Variants in TATDN1 observed in about 807,000 individuals in gnomAD.
The protein encoded by TATDN1 is deoxyribonuclease TATDN1.
In TATDN1, 40 loss-of-function variants were observed where a neutral mutation model predicts 46.4. The ratio of observed to expected loss-of-function variants is 0.86; its 90% confidence interval spans 0.67 to 1.12. The LOEUF is 1.12. Among genes scored for constraint, TATDN1 ranks in the 50% most tolerant of loss-of-function variants. TATDN1 has a pLI of 0.00. For missense variants in TATDN1, 326 were observed against 348.4 expected, an observed-to-expected ratio of 0.94 and a Z score of 0.51; for synonymous variants, 95 against 105.6, an observed-to-expected ratio of 0.90 and a Z score of 0.62.
intron 3 of TATDN1, chr8:124,521,538 T>C (rs1034054569): frequency 2.6e-5 from 4 of 152,220 alleles, no homozygotes; most frequent in African/African-American, 9.7e-5. Flanking sequence ...TAGTCAGCAG[T>C]GTCACTTTCC....
chr8:124,529,643 C>G (rs987257055), intron 1 of TATDN1, among the ~76,000 whole-genome samples: 1 of 152,176 alleles, frequency 6.6e-6, no homozygotes, highest in African/African-American at 2.4e-5. Flanking sequence ...GCTGACATCA[C>G]CAAACTAAAC....
chr8:124,497,171 C>G (rs775978012), intron 9 of TATDN1, among the ~76,000 whole-genome samples: 2 of 152,260 alleles, frequency 1.3e-5, no homozygotes, highest in East Asian at 1.9e-4. Context: ...TCAAATTTAT[C>G]TGTTGAAGAA....
At chr8:124,533,109 G>C (rs1409248678) in intron 1 of TATDN1, among the ~76,000 whole-genome samples, 1 of 151,946 alleles carries the variant, frequency 6.6e-6, no homozygotes, top group Non-Finnish European at 1.5e-5. Flanking sequence ...AACATTAGCC[G>C]GGCGTGGTGG....
At chr8:124,489,888 TAAAGG>T (rs2131321440) in intron 11 of TATDN1, 1 of 152,320 alleles carries the variant, frequency 6.6e-6, no homozygotes, top group African/African-American at 2.4e-5. Flanking sequence ...TGTTAACACC[TAAAGG>T]AATTAAGGAT....
intron 8 of TATDN1, among the ~76,000 whole-genome samples, chr8:124,505,316 G>A (rs1025844277): frequency 4.0e-5 from 6 of 151,698 alleles, no homozygotes; most frequent in East Asian, 2.0e-4. Context: ...CCTGGAAGGC[G>A]GAGGTTGCGT....
intron 1 of TATDN1, chr8:124,526,819 T>C (rs924933414): frequency 1.3e-5 from 2 of 152,252 alleles, no homozygotes; most frequent in Non-Finnish European, 2.9e-5. Flanking sequence ...CACTGTCACC[T>C]ATGATCTAGG....
At chr8:124,494,143 C>T (rs778599912) in intron 10 of TATDN1, 184 bp from the exon 11 acceptor site, 1 of 469,038 alleles carries the variant, frequency 2.1e-6, no homozygotes, top group Non-Finnish European at 3.6e-6. Context: ...ATCTTAAATA[C>T]CTTCTAAGAC....
chr8:124,539,008 G>A lies in TATDN1; in HGVS notation c.22+17C>T, dbSNP rs773756542. ...CAAGTCAGAAAGACCCAAGGGCGTG[G>A]AAAACGCTCCTCTTACCGATAAACT... On this transcript the variant is annotated intron_variant, in intron 1 of 11. Coordinates refer to ENST00000276692, the MANE Select transcript of TATDN1 (RefSeq NM_032026.4). The A allele has an allele frequency of 8.7e-6, 14 of 1,611,992 alleles. No homozygotes were observed. The highest frequency in any genetic ancestry group is 1.2e-5 in the Non-Finnish European group (14 of 1,178,992).
At chr8:124,495,829 C>T (rs977606997) in intron 9 of TATDN1, among the ~76,000 whole-genome samples, 41 of 152,230 alleles carry the variant, frequency 2.7e-4, no homozygotes, top group Admixed American at 1.4e-3. Flanking sequence ...AAGAATTCAT[C>T]TGCTTCTGAG....
chr8:124,533,500 T>A (rs1040590061), intron 1 of TATDN1, among the ~76,000 whole-genome samples: 1 of 152,096 alleles, frequency 6.6e-6, no homozygotes, highest in Admixed American at 6.5e-5. Context: ...CAGGAAGGAA[T>A]GCCTTGTGAA....
chr8:124,522,261 T>C (rs1820114774), intron 2 of TATDN1, 61 bp from the exon 3 acceptor site: 3 of 1,044,388 alleles, frequency 2.9e-6, no homozygotes, highest in Admixed American at 4.2e-5. Flanking sequence ...CTTTTTTTTT[T>C]AGCTTCTGTG....
intron 9 of TATDN1, among the ~76,000 whole-genome samples, chr8:124,496,921 T>C (rs1205573348): frequency 6.6e-6 from 1 of 152,218 alleles, no homozygotes. Flanking sequence ...AAATTCCAGA[T>C]GGACAGTTTT....
intron 1 of TATDN1, 122 bp from the exon 2 acceptor site, chr8:124,523,124 T>C (rs1820198997): frequency 1.3e-6 from 1 of 746,660 alleles, no homozygotes; most frequent in Non-Finnish European, 2.3e-6. Context: ...AATATCCAAG[T>C]GCCTACCACT....
chr8:124,506,334 C>CAAAAAAAAAAAAAAAAA (rs56023168), intron 8 of TATDN1, among the ~76,000 whole-genome samples: 3 of 52,516 alleles, frequency 5.7e-5, no homozygotes, highest in Admixed American at 2.4e-4. Context: ...GGCTCTGTCT[C>CAAAAAAAAAAAAAAAAA]AAAAAAAAAA....
At chr8:124,525,482 C>T (rs1820407774) in intron 1 of TATDN1, among the ~76,000 whole-genome samples, 2 of 152,126 alleles carry the variant, frequency 1.3e-5, no homozygotes, top group Non-Finnish European at 2.9e-5. Context: ...GCACTGCTGG[C>T]CCAGATAGTC....
intron 6 of TATDN1, among the ~76,000 whole-genome samples, chr8:124,510,094 A>G (rs1400193960): frequency 6.6e-6 from 1 of 152,044 alleles, no homozygotes; most frequent in East Asian, 1.9e-4. Context: ...TAGGTCGTCT[A>G]TGTCTGTATT....
intron 8 of TATDN1, among the ~76,000 whole-genome samples, chr8:124,505,054 C>T (rs991564955): frequency 4.6e-5 from 7 of 150,872 alleles, no homozygotes; most frequent in African/African-American, 1.5e-4. Flanking sequence ...CGCGCCTGGC[C>T]GAGGATACTT....
At chr8:124,497,515 T>A (rs56942034) in intron 9 of TATDN1, among the ~76,000 whole-genome samples, 1 of 152,054 alleles carries the variant, frequency 6.6e-6, no homozygotes, top group East Asian at 1.9e-4. Flanking sequence ...TCGAACTTCT[T>A]ACCTCAGGCG....
At chr8:124,520,175 G>A (rs538708442) in intron 3 of TATDN1, among the ~76,000 whole-genome samples, 8 of 152,268 alleles carry the variant, frequency 5.3e-5, no homozygotes, top group South Asian at 4.1e-4. Flanking sequence ...AGTGGCTCAC[G>A]CCTATAATCC....
Sources: allele counts gnomAD v4.1 joint callset (sites outside exome capture counted in the v4.1 genomes callset), GRCh38; gene constraint gnomAD v4.1.1; transcripts MANE v1.5; gene names NCBI Gene and HGNC (gene_info 2026-07-23, HGNC 2026-07-21).